Variants in KIFC3 observed in about 807,000 individuals in gnomAD.
KIFC3 encodes the protein kinesin-like protein KIFC3.
A neutral mutation model predicts 101.8 loss-of-function variants in KIFC3; 60 were observed. The ratio of observed to expected loss-of-function variants is 0.59; its 90% CI spans 0.48 to 0.73. The LOEUF is 0.73. Among genes scored for constraint, KIFC3 ranks in the 30% least tolerant of loss-of-function variants. The probability of loss-of-function intolerance (pLI) is 0.00; values close to 1 mark genes in which losing one functional copy is unlikely to be tolerated. For missense variants in KIFC3, 966 were observed against 1,137.1 expected (o/e 0.85, Z 2.16); for synonymous variants, 476 against 482.7 (o/e 0.99, Z 0.18).
At chr16:57,830,135 A>C (rs1377560610) in intron 1 of KIFC3, among the ~76,000 whole-genome samples, 1 of 152,098 alleles carries the variant, frequency 6.6e-6, no homozygotes, top group Non-Finnish European at 1.5e-5. Flanking sequence ...CTTTGGTGAC[A>C]GGCAGATCTG....
intron 1 of KIFC3, among the ~76,000 whole-genome samples, chr16:57,839,960 T>C (rs1417004238): frequency 6.6e-6 from 1 of 152,140 alleles, no homozygotes; most frequent in African/African-American, 2.4e-5. Context: ...TGGAACTGAC[T>C]CCTCAAATTG....
chr16:57,822,958 T>TC (rs36039965), intron 1 of KIFC3, among the ~76,000 whole-genome samples: 1 of 151,492 alleles, frequency 6.6e-6, no homozygotes, highest in African/African-American at 2.4e-5. Flanking sequence ...AATTCTAAGG[T>TC]CCCCCCCAAC....
At chr16:57,817,782 C>CAA (rs1304633948) in intron 1 of KIFC3, among the ~76,000 whole-genome samples, 4 of 152,192 alleles carry the variant, frequency 2.6e-5, no homozygotes, top group Non-Finnish European at 5.9e-5. Context: ...TTATTCAACT[C>CAA]AATACACCAT....
chr16:57,759,385 G>C (rs1008311669), intron 18 of KIFC3: 5 of 600,956 alleles, frequency 8.3e-6, no homozygotes, highest in Non-Finnish European at 1.5e-5. Context: ...GCACAGGGAG[G>C]GGGCTGCAGG....
rs367877555 is a variant in KIFC3 at position 57,781,561 on chromosome 16, TG to T, written c.316-9274del. The stretch of plus-strand genomic sequence containing the variant: ...GGGTCAGCTGGGTGCTCAAGGACTA[TG>T]GGCCATTGGCCCAACTGCTCTCAGT... On this transcript the variant is annotated intron_variant, in intron 3 of 19. Transcript: ENST00000445690. 4.1e-3 allele frequency among the ~76,000 whole-genome samples: 617 copies of T among 152,318 alleles called. 3 individuals are homozygous for T. The highest frequency in any genetic ancestry group is 0.014 in the African/African-American group (592 of 41,576).
chr16:57,796,677 A>G (rs1159880557), intron 2 of KIFC3, among the ~76,000 whole-genome samples: 1 of 152,202 alleles, frequency 6.6e-6, no homozygotes, highest in Non-Finnish European at 1.5e-5. Context: ...TATAATCTTC[A>G]TAATACCCAA....
intron 1 of KIFC3, among the ~76,000 whole-genome samples, chr16:57,826,550 C>T (rs890865479): frequency 6.6e-6 from 1 of 152,108 alleles, no homozygotes; most frequent in Admixed American, 6.5e-5. Context: ...ACGTAAAATA[C>T]CAGTTCTTTC....
At position 57,764,140 on chromosome 16, in the gene KIFC3, C is replaced by T. The variant is rs782055533; in HGVS notation, c.1617+3G>A. ...AACCCCCACCCCATTGGGCAGCACC[C>T]ACCTCCATCGTGTACGTCTTGCCGG... is the stretch of plus-strand genomic sequence containing the variant. On this transcript the variant is annotated splice_donor_region_variant and intron_variant, in intron 12 of 19. Transcript: ENST00000445690. The T allele has an allele frequency of 1.9e-6, 3 of 1,609,014 alleles. No individual in the cohort carries two copies. Among genetic ancestry groups the T allele is most frequent in the Non-Finnish European group, 1.7e-6 (2 of 1,176,890 alleles).
chr16:57,791,524 A>G (rs2053870423), intron 3 of KIFC3, among the ~76,000 whole-genome samples: 1 of 152,158 alleles, frequency 6.6e-6, no homozygotes, highest in Admixed American at 6.5e-5. Context: ...CCAGGTTGCT[A>G]CACTGTGCTT....
intron 1 of KIFC3, among the ~76,000 whole-genome samples, chr16:57,840,107 G>T (rs977910253): frequency 6.6e-6 from 1 of 152,104 alleles, no homozygotes; most frequent in African/African-American, 2.4e-5. Context: ...AGAGGCCAAG[G>T]TAGGCGGATC....
chr16:57,849,070 G>A (rs2055995220), intron 1 of KIFC3, among the ~76,000 whole-genome samples: 1 of 152,198 alleles, frequency 6.6e-6, no homozygotes, highest in African/African-American at 2.4e-5. Flanking sequence ...GAGAACAATA[G>A]TAGCTGAGTG....
chr16:57,843,626 C>T (rs1336706260), intron 1 of KIFC3, among the ~76,000 whole-genome samples: 8 of 152,056 alleles, frequency 5.3e-5, no homozygotes. Context: ...GCCTGGGCAA[C>T]ACAGCAAGAT....
intron 12 of KIFC3, among the ~76,000 whole-genome samples, chr16:57,763,916 C>T (rs1555600211): frequency 1.3e-5 from 2 of 152,190 alleles, no homozygotes; most frequent in African/African-American, 4.8e-5. Flanking sequence ...TCCCCCCTTG[C>T]CTCTCTCCCA....
chr16:57,780,151 A>T (rs555090872), intron 3 of KIFC3, among the ~76,000 whole-genome samples: 3 of 152,324 alleles, frequency 2.0e-5, no homozygotes, highest in Admixed American at 2.0e-4. Context: ...ACAGAGCCAA[A>T]CTGTATCAGA....
At chr16:57,780,002 T>C (rs2052537343) in intron 3 of KIFC3, 1 of 152,104 alleles carries the variant, frequency 6.6e-6, no homozygotes, top group Non-Finnish European at 1.5e-5. Flanking sequence ...AACTGCCACT[T>C]TTAAACCATC....
At chr16:57,781,920 C>T (rs895685720) in intron 3 of KIFC3, 84 of 985,200 alleles carry the variant, frequency 8.5e-5, no homozygotes, top group Non-Finnish European at 9.4e-5. Flanking sequence ...TCACCCTTAA[C>T]CATGGGGCCA....
At chr16:57,772,132 G>A in intron 4 of KIFC3, 91 bp downstream of exon 4, 10 of 1,102,590 alleles carry the variant, frequency 9.1e-6, no homozygotes, top group Non-Finnish European at 1.3e-5. Context: ...GGGCTCAGGA[G>A]AGAGAGGGTC....
intron 2 of KIFC3, 193 bp downstream of exon 2, chr16:57,797,877 CAG>C (rs1259725949): frequency 6.2e-6 from 9 of 1,461,898 alleles, no homozygotes; most frequent in Non-Finnish European, 8.1e-6. Flanking sequence ...CTTTTCCAGA[CAG>C]GGGCGCAGGG....
rs1223621768 is a variant in KIFC3 at position 57,769,009 on chromosome 16, A to T, written c.1218+586T>A. ...TAATGAACCCTGTCTCTAATAAATA[A>T]TTTTTTTAAAAAATACGTATGTAGC... On this transcript the variant is annotated intron_variant, in intron 9 of 19. Transcript: ENST00000445690. This position sits in a 1 kb window ranked among gnomAD's most constrained non-coding sequence, Gnocchi z 4.3. Among the ~76,000 whole-genome samples, 1 of 152,094 alleles carries T rather than the reference A, an allele frequency of 6.6e-6. No individual in the cohort carries two copies. The highest frequency in any genetic ancestry group is 1.5e-5 in the Non-Finnish European group (1 of 68,020).
Sources: gnomAD v4.1 joint callset for allele counts (sites outside exome capture counted in the v4.1 genomes callset) on GRCh38, gnomAD v4.1.1 for gene constraint, Gnocchi (gnomAD v3.1) non-coding constraint, MANE v1.5 for transcripts, NCBI Gene and HGNC (gene_info 2026-07-23, HGNC 2026-07-21) for gene names.